The following CPNE5 variants were observed in gnomAD, a reference collection of about 807,000 sequenced individuals.
CPNE5 encodes copine 5.
CPNE5 carries 42 observed loss-of-function variants against 81.1 expected under a neutral mutation model. That is an observed-to-expected ratio of 0.52 (90% CI 0.40 to 0.67). CPNE5 has a LOEUF of 0.67. Ranked by LOEUF, CPNE5 falls within the 30% of genes least tolerant of loss-of-function variation. The pLI is 0.00. For missense variants in CPNE5, 612 were observed against 815.5 expected (o/e 0.75, Z 3.04); for synonymous variants, 313 against 321.5 (o/e 0.97, Z 0.28).
chr6:36,745,001 G>A (rs755001422), intron 18 of CPNE5, 47 bp downstream of exon 18: 1 of 1,355,816 alleles, frequency 7.4e-7, no homozygotes, highest in Admixed American at 1.7e-5. Context: ...TAACGGGGAG[G>A]AAGACACTCC....
At chr6:36,815,752 T>C (rs1052284158) in intron 3 of CPNE5, among the ~76,000 whole-genome samples, 3 of 152,234 alleles carry the variant, frequency 2.0e-5, no homozygotes, top group Admixed American at 2.0e-4. Context: ...AGATGAACCA[T>C]CAATTTCAGC....
rs1217015716 is a variant in CPNE5 at position 36,766,288 on chromosome 6, C to T, written c.738-912G>A. Among the ~76,000 whole-genome samples the T allele has an allele frequency of 6.6e-6, 1 of 152,212 alleles. No individual in the cohort carries two copies. The highest frequency in any genetic ancestry group is 1.5e-5 in the Non-Finnish European group (1 of 68,040). On this transcript the variant is annotated intron_variant, in intron 10 of 20. Coordinates refer to ENST00000244751, the MANE Select transcript of CPNE5 (RefSeq NM_020939.2). This position sits in a 1 kb window ranked among gnomAD's most constrained non-coding sequence, Gnocchi z 4.2. Reference sequence around the variant, plus strand: ...CATCATCTCGCCCATCTCCTCGGGCCTGCCAGGAGTCAGCCTTGGGCTTCT... The same window carrying T: ...CATCATCTCGCCCATCTCCTCGGGCTTGCCAGGAGTCAGCCTTGGGCTTCT...
intron 1 of CPNE5, among the ~76,000 whole-genome samples, chr6:36,824,515 G>A (rs528964148): frequency 1.3e-5 from 2 of 152,248 alleles, no homozygotes; most frequent in African/African-American, 4.8e-5. Context: ...CCTCCCTTCC[G>A]GAGGTCCCAA....
chr6:36,817,485 C>G (rs1489851004), intron 3 of CPNE5, among the ~76,000 whole-genome samples: 1 of 152,164 alleles, frequency 6.6e-6, no homozygotes, highest in Non-Finnish European at 1.5e-5. Context: ...CCCTTCTGCT[C>G]TGACATTCTC....
At chr6:36,785,650 T>C (rs1768464376) in intron 8 of CPNE5, among the ~76,000 whole-genome samples, 1 of 152,024 alleles carries the variant, frequency 6.6e-6, no homozygotes, top group Non-Finnish European at 1.5e-5. Flanking sequence ...AGTAGTATGG[T>C]TTGAGGCCAG....
At chr6:36,750,411 A>G (rs766434902) in intron 14 of CPNE5, among the ~76,000 whole-genome samples, 48 of 152,152 alleles carry the variant, frequency 3.2e-4, no homozygotes, top group Non-Finnish European at 6.2e-4. Context: ...CTGGCCACAG[A>G]CAGTCATCCC....
rs201426599 is a variant in CPNE5, at chr6:36,744,340, G to C, written c.1432-15C>G. 1 of 1,574,674 alleles carries C rather than the reference G, an allele frequency of 6.4e-7. No homozygotes were observed. Among genetic ancestry groups the C allele is most frequent in the Non-Finnish European group, 8.6e-7 (1 of 1,159,592 alleles). On this transcript the variant is annotated splice_polypyrimidine_tract_variant and intron_variant, in intron 18 of 20. Coordinates refer to ENST00000244751, the MANE Select transcript of CPNE5 (RefSeq NM_020939.2). ...AGCTTGGCAGCCTGGGAGACAGCATGGGGGGCAGGGAAAGGTTGGACCCAA... is the reference window on the plus strand; with the variant it reads ...AGCTTGGCAGCCTGGGAGACAGCATCGGGGGCAGGGAAAGGTTGGACCCAA...
chr6:36,832,309 C>A (rs73416289), intron 1 of CPNE5, among the ~76,000 whole-genome samples: 3,144 of 152,298 alleles, frequency 0.021, 92 homozygotes, highest in African/African-American at 0.071. Flanking sequence ...TTCCTGCTGA[C>A]AGAATCCACA....
intron 9 of CPNE5, among the ~76,000 whole-genome samples, chr6:36,776,581 G>T (rs1767525345): frequency 6.6e-6 from 1 of 152,114 alleles, no homozygotes; most frequent in Non-Finnish European, 1.5e-5. Context: ...GTCCCAGAGG[G>T]ATGGGGGATG....
intron 13 of CPNE5, chr6:36,754,210 T>C (rs1434774918): frequency 2.4e-5 from 3 of 122,624 alleles, no homozygotes; most frequent in East Asian, 2.2e-4. Flanking sequence ...GTTTCAGAGA[T>C]CTTCTTTTTT....
At chr6:36,744,133 C>G (rs751905915) in intron 19 of CPNE5, 135 bp downstream of exon 19, 2 of 771,294 alleles carry the variant, frequency 2.6e-6, no homozygotes, top group African/African-American at 3.4e-5. Context: ...CAGACACACA[C>G]GCCCAGGCGG....
intron 3 of CPNE5, among the ~76,000 whole-genome samples, chr6:36,809,887 T>A (rs558403902): frequency 6.6e-6 from 1 of 151,594 alleles, no homozygotes; most frequent in African/African-American, 2.4e-5. Flanking sequence ...TCCTCCTCCT[T>A]CTGCTTGGTA....
intron 20 of CPNE5, chr6:36,743,112 G>C (rs1382305902): frequency 1.0e-6 from 1 of 985,392 alleles, no homozygotes; most frequent in Non-Finnish European, 1.2e-6. Context: ...TTAAACCAAG[G>C]GGGTATGCAG....
At position 36,744,513 on chromosome 6, in the gene CPNE5, A is replaced by C. The variant is rs1031381886; in HGVS notation, c.1432-188T>G. The C allele has an allele frequency of 9.9e-6, 6 of 606,934 alleles. No individual in the cohort carries two copies. In the East Asian group the frequency reaches 1.7e-4, roughly 17 times the overall value. The allele number at this position is 606,934 out of a possible 1,614,324, so 37.6% of individuals were successfully genotyped here. On this transcript the variant is annotated intron_variant, in intron 18 of 20. Coordinates refer to ENST00000244751, the MANE Select transcript of CPNE5 (RefSeq NM_020939.2). ...GGCACTCAGAGATAAAGAGCAAAGGAAACCAGGCTGCGCCTGGAGGAGAGA... is the reference window on the plus strand; with the variant it reads ...GGCACTCAGAGATAAAGAGCAAAGGCAACCAGGCTGCGCCTGGAGGAGAGA...
intron 8 of CPNE5, among the ~76,000 whole-genome samples, chr6:36,781,976 C>T (rs1394047854): frequency 6.6e-6 from 1 of 152,154 alleles, no homozygotes; most frequent in Non-Finnish European, 1.5e-5. Context: ...CTCTGCATAG[C>T]CTTGAGCAGG....
intron 12 of CPNE5, 92 bp from the exon 13 acceptor site, chr6:36,756,390 GC>G: frequency 2.8e-6 from 3 of 1,059,082 alleles, no homozygotes; most frequent in African/African-American, 1.6e-5. Context: ...TGTGGTCCAA[GC>G]CCAGCCCCAT....
At chr6:36,827,243 A>G (rs1049820548) in intron 1 of CPNE5, 1 of 827,580 alleles carries the variant, frequency 1.2e-6, no homozygotes, top group African/African-American at 1.9e-5. Context: ...CTCTGATCCC[A>G]CACCTCGTCC....
intron 14 of CPNE5, among the ~76,000 whole-genome samples, chr6:36,748,966 T>C (rs898285483): frequency 6.6e-6 from 1 of 152,200 alleles, no homozygotes; most frequent in Non-Finnish European, 1.5e-5. Context: ...AAAAGAGGTC[T>C]CGCTCTGTCA....
chr6:36,767,748 G>A (rs7770263), intron 10 of CPNE5, among the ~76,000 whole-genome samples: 2,547 of 152,300 alleles, frequency 0.017, 64 homozygotes, highest in African/African-American at 0.054. Context: ...CAGGCCAGAG[G>A]GCCTAATTTA....
Sources: gnomAD v4.1 joint callset for allele counts (sites outside exome capture counted in the v4.1 genomes callset) on GRCh38, gnomAD v4.1.1 for gene constraint, Gnocchi (gnomAD v3.1) non-coding constraint, MANE v1.5 for transcripts, NCBI Gene and HGNC (gene_info 2026-07-23, HGNC 2026-07-21) for gene names.